AP3B1: variants seen among roughly 807,000 people sequenced by gnomAD.
The protein encoded by AP3B1 is adaptor related protein complex 3 subunit beta 1.
In AP3B1, 61 loss-of-function variants were observed where a neutral mutation model predicts 132.5. The ratio of observed to expected loss-of-function variants is 0.46; its 90% CI spans 0.37 to 0.57. The LOEUF is 0.57. Ranked by LOEUF, AP3B1 falls within the 20% of genes least tolerant of loss-of-function variation. The pLI is 0.00. For synonymous variants in AP3B1, 388 were observed against 438.3 expected, an observed-to-expected ratio of 0.89 and a Z score of 1.43; for missense variants, 1,120 against 1,289.4, an observed-to-expected ratio of 0.87 and a Z score of 2.01.
At chr5:78,134,008 G>A (rs867280094) in intron 15 of AP3B1, among the ~76,000 whole-genome samples, 5 of 151,692 alleles carry the variant, frequency 3.3e-5, no homozygotes, top group Middle Eastern at 3.4e-3. Context: ...AAAATTAGCC[G>A]GGCATGGTGG....
chr5:78,255,512 T>C lies in AP3B1; in HGVS notation c.204+12008A>G, dbSNP rs1021295395. Among the ~76,000 whole-genome samples, 11 of 152,092 alleles carry C rather than the reference T, an allele frequency of 7.2e-5. No homozygotes were observed. The East Asian group carries it at 2.1e-3, about 29-fold the overall frequency. On this transcript the variant is annotated intron_variant, in intron 2 of 26. Coordinates refer to ENST00000255194, the MANE Select transcript of AP3B1 (RefSeq NM_003664.5). ...TAAGAAGAGACAAAGAAGGTCACTA[T>C]ATGATAAAGGAGTCAATTCAGCAAG...
At position 78,107,328 on chromosome 5, in the gene AP3B1, A is replaced by C. The variant is rs545619982; in HGVS notation, c.2397+2879T>G. Among the ~76,000 whole-genome samples the C allele has an allele frequency of 4.6e-5, 7 of 152,346 alleles. No individual in the cohort carries two copies. In the South Asian group the frequency reaches 1.5e-3, roughly 32 times the overall value. On this transcript the variant is annotated intron_variant, in intron 20 of 26. Coordinates refer to ENST00000255194, the MANE Select transcript of AP3B1 (RefSeq NM_003664.5). ...TTTCAGAGAGCAGTATGTGTAGGAT[A>C]GAGTTGGAAATAACTGGGTTAAGAA... is the stretch of plus-strand genomic sequence containing the variant.
At chr5:78,083,960 TTA>T (rs1256225856) in intron 22 of AP3B1, among the ~76,000 whole-genome samples, 1 of 152,136 alleles carries the variant, frequency 6.6e-6, no homozygotes, top group African/African-American at 2.4e-5. Flanking sequence ...TAAATAAAAA[TTA>T]TAGATGGACT....
At chr5:78,137,379 A>G (rs1363469686) in intron 15 of AP3B1, among the ~76,000 whole-genome samples, 1 of 152,180 alleles carries the variant, frequency 6.6e-6, no homozygotes, top group Non-Finnish European at 1.5e-5. Flanking sequence ...AATTACTCCC[A>G]GATTTTGAGA....
intron 7 of AP3B1, among the ~76,000 whole-genome samples, chr5:78,201,657 GT>G (rs1745294075): frequency 6.6e-6 from 1 of 152,264 alleles, no homozygotes; most frequent in East Asian, 1.9e-4. Flanking sequence ...TTATATTCAT[GT>G]TTTTGCATGA....
At chr5:78,027,587 A>G (rs776977214) in intron 24 of AP3B1, among the ~76,000 whole-genome samples, 1 of 152,134 alleles carries the variant, frequency 6.6e-6, no homozygotes, top group African/African-American at 2.4e-5. Context: ...GTCGACTGGC[A>G]TTTAGCCTAG....
At chr5:78,268,139 G>T (rs1339794312) in intron 1 of AP3B1, among the ~76,000 whole-genome samples, 1 of 152,020 alleles carries the variant, frequency 6.6e-6, no homozygotes, top group Non-Finnish European at 1.5e-5. Flanking sequence ...AATAAAAACT[G>T]TCTCTGAGAA....
chr5:78,251,673 G>A (rs905201510), intron 2 of AP3B1, among the ~76,000 whole-genome samples: 1 of 152,172 alleles, frequency 6.6e-6, no homozygotes, highest in Non-Finnish European at 1.5e-5. Context: ...GAATCCCAGA[G>A]GTCCAAACTT....
intron 7 of AP3B1, among the ~76,000 whole-genome samples, chr5:78,215,033 G>A (rs918133642): frequency 6.6e-6 from 1 of 151,930 alleles, no homozygotes; most frequent in African/African-American, 2.4e-5. Flanking sequence ...AGAAAATAGT[G>A]ATCAACATTT....
intron 14 of AP3B1, 50 bp from the exon 15 acceptor site, chr5:78,141,369 A>C: frequency 1.4e-6 from 2 of 1,450,172 alleles, no homozygotes; most frequent in South Asian, 2.3e-5. Flanking sequence ...ATCATACTCT[A>C]ATATTAACAT....
At chr5:78,229,304 A>G (rs1010092745) in intron 3 of AP3B1, among the ~76,000 whole-genome samples, 5 of 152,204 alleles carry the variant, frequency 3.3e-5, no homozygotes, top group African/African-American at 7.2e-5. Context: ...AAAAAGAAAT[A>G]AACAAAAACT....
At chr5:78,257,861 T>A (rs571564402) in intron 2 of AP3B1, among the ~76,000 whole-genome samples, 1 of 151,226 alleles carries the variant, frequency 6.6e-6, no homozygotes, top group Admixed American at 6.6e-5. Flanking sequence ...CAGAAACAAA[T>A]CCACACACCT....
intron 22 of AP3B1, among the ~76,000 whole-genome samples, chr5:78,073,597 A>G (rs895578385): frequency 6.6e-6 from 1 of 152,200 alleles, no homozygotes; most frequent in East Asian, 1.9e-4. Flanking sequence ...ATAGAATTTC[A>G]GAAACTCATT....
intron 23 of AP3B1, among the ~76,000 whole-genome samples, chr5:78,035,396 C>T (rs1166440823): frequency 6.6e-6 from 1 of 151,954 alleles, no homozygotes; most frequent in Admixed American, 6.6e-5. Context: ...TCTATACATC[C>T]TATCACACGT....
At chr5:78,274,978 G>A (rs1041411428) in intron 1 of AP3B1, among the ~76,000 whole-genome samples, 1 of 151,956 alleles carries the variant, frequency 6.6e-6, no homozygotes. Context: ...AACGTAAAGG[G>A]CCAGAAAGTA....
intron 7 of AP3B1, among the ~76,000 whole-genome samples, chr5:78,199,608 T>C (rs902494742): frequency 1.3e-5 from 2 of 152,198 alleles, no homozygotes; most frequent in Admixed American, 6.5e-5. Flanking sequence ...AAAGTAAATG[T>C]GTGTTGAATT....
chr5:78,242,527 C>G (rs1747181371), intron 2 of AP3B1, among the ~76,000 whole-genome samples: 1 of 152,158 alleles, frequency 6.6e-6, no homozygotes. Context: ...CTGCTTCAGT[C>G]TCCCGAGTAG....
At position 78,241,062 on chromosome 5, in the gene AP3B1, T is replaced by C. The variant is rs548108643; in HGVS notation, c.205-126A>G. 3.4e-5 allele frequency: 23 copies of C among 671,392 alleles called. No individual in the cohort carries two copies. The African/African-American group carries it at 4.2e-4, about 12-fold the overall frequency. The allele number at this position is 671,392 out of a possible 1,614,324, so 41.6% of individuals were successfully genotyped here. ...TTTTTGAATCATCTTACCTCAACTA[T>C]TTACAGCAAATAATAAACACTATCT... On this transcript the variant is annotated intron_variant, in intron 2 of 26. Transcript: ENST00000255194.
intron 13 of AP3B1, among the ~76,000 whole-genome samples, chr5:78,161,199 T>C (rs1397714618): frequency 6.6e-6 from 1 of 151,888 alleles, no homozygotes; most frequent in Non-Finnish European, 1.5e-5. Flanking sequence ...TTAAAGTCAA[T>C]AAAAATATTT....
Sources: gnomAD v4.1 joint callset for allele counts (sites outside exome capture counted in the v4.1 genomes callset) on GRCh38, gnomAD v4.1.1 for gene constraint, MANE v1.5 for transcripts, NCBI Gene and HGNC (gene_info 2026-07-23, HGNC 2026-07-21) for gene names.